Variants in PTPRD observed in about 807,000 individuals in gnomAD.
PTPRD encodes the protein receptor-type tyrosine-protein phosphatase delta.
Under a neutral mutation model 214.5 loss-of-function variants are expected in PTPRD, and 34 were observed. That is an observed-to-expected ratio of 0.16 (90% CI 0.12 to 0.21). The LOEUF is 0.21. PTPRD is among the 10% of genes least tolerant of loss of function. The probability of loss-of-function intolerance (pLI) is 1.00; values close to 1 mark genes in which losing one functional copy is unlikely to be tolerated. For synonymous variants in PTPRD, 1,128 were observed against 845.7 expected (o/e 1.33, Z -5.79); for missense variants, 2,545 against 2,398.7 (o/e 1.06, Z -1.27).
chr9:10,362,201 T>C (rs1022735817), intron 2 of PTPRD, among the ~76,000 whole-genome samples: 2 of 152,164 alleles, frequency 1.3e-5, no homozygotes, highest in Non-Finnish European at 2.9e-5. Context: ...AACGTACTAG[T>C]GAAATGTTTA....
chr9:10,363,999 T>TTTTTTTTTTG (rs2097455202), intron 2 of PTPRD, among the ~76,000 whole-genome samples: 1 of 7,910 alleles, frequency 1.3e-4, no homozygotes, highest in Admixed American at 1.2e-3. Context: ...GGGTTTTTTT[T>TTTTTTTTTTG]TTTTTTTTTT....
chr9:9,290,945 G>A (rs1193305079), intron 9 of PTPRD, among the ~76,000 whole-genome samples: 2 of 151,458 alleles, frequency 1.3e-5, no homozygotes, highest in South Asian at 2.1e-4. Flanking sequence ...ATTGGTCATA[G>A]AAATCACTGA....
At chr9:9,629,591 C>T (rs2095527679) in intron 7 of PTPRD, among the ~76,000 whole-genome samples, 1 of 152,168 alleles carries the variant, frequency 6.6e-6, no homozygotes, top group African/African-American at 2.4e-5. Context: ...CCCTGAGGGA[C>T]AGCCTATTCT....
chr9:8,940,066 G>GAA lies in PTPRD; in HGVS notation c.-104+78629_-104+78630dup, dbSNP rs35415741. ...CTGTATTTAACTACAAATAAGTTTGGAAAAAAAAAAAAGAAGACTTACATG... is the reference window on the plus strand; with the variant it reads ...CTGTATTTAACTACAAATAAGTTTGGAAAAAAAAAAAAAAGAAGACTTACATG... On this transcript the variant is annotated intron_variant, in intron 11 of 45. Coordinates refer to ENST00000381196, the MANE Select transcript of PTPRD (RefSeq NM_002839.4). Among the ~76,000 whole-genome samples, 326 of 147,474 alleles carry GAA rather than the reference G, an allele frequency of 2.2e-3. 1 individual carries two copies. The highest frequency in any genetic ancestry group is 0.01 in the Middle Eastern group (3 of 290).
chr9:10,414,687 C>G (rs1049519765), intron 2 of PTPRD, among the ~76,000 whole-genome samples: 2 of 151,858 alleles, frequency 1.3e-5, no homozygotes, highest in Non-Finnish European at 2.9e-5. Context: ...TGAAATTAAC[C>G]TAAACACCCA....
chr9:8,634,082 T>G (rs2096349268), intron 13 of PTPRD, among the ~76,000 whole-genome samples: 2 of 152,022 alleles, frequency 1.3e-5, no homozygotes, highest in Non-Finnish European at 2.9e-5. Flanking sequence ...TCTGCATTTT[T>G]AGAGCATTCT....
At chr9:8,566,100 A>ATGTGTGTATGTGTGTG (rs2088984110) in intron 14 of PTPRD, among the ~76,000 whole-genome samples, 2 of 137,814 alleles carry the variant, frequency 1.5e-5, no homozygotes, top group African/African-American at 5.5e-5. Context: ...AATGCAAAAT[A>ATGTGTGTATGTGTGTG]TGTGTGTGTG....
chr9:8,590,375 A>G (rs191918107), intron 14 of PTPRD, among the ~76,000 whole-genome samples: 83 of 152,268 alleles, frequency 5.5e-4, no homozygotes, highest in African/African-American at 1.8e-3. Flanking sequence ...AGAACGCTGC[A>G]TGGTTGTGTG....
chr9:8,474,837 A>G (rs1470180356), intron 30 of PTPRD, among the ~76,000 whole-genome samples: 1 of 152,006 alleles, frequency 6.6e-6, no homozygotes, highest in African/African-American at 2.4e-5. Context: ...TTCTTTTGGT[A>G]AAGTAGAAGG....
chr9:10,326,907 A>G (rs1275955911), intron 3 of PTPRD, among the ~76,000 whole-genome samples: 1 of 151,412 alleles, frequency 6.6e-6, no homozygotes, highest in African/African-American at 2.4e-5. Context: ...TGAACCTAAA[A>G]TTTATTTGGA....
intron 2 of PTPRD, among the ~76,000 whole-genome samples, chr9:10,531,328 A>G (rs1261855316): frequency 1.3e-5 from 2 of 152,196 alleles, no homozygotes; most frequent in East Asian, 1.9e-4. Context: ...CAGTTCTGCT[A>G]TAACAGAATA....
chr9:9,757,652 G>T (rs1018956755), intron 6 of PTPRD, among the ~76,000 whole-genome samples: 1 of 151,972 alleles, frequency 6.6e-6, no homozygotes, highest in East Asian at 1.9e-4. Flanking sequence ...TCATAGAAAG[G>T]ATGTGGGGTT....
At chr9:8,827,105 C>A (rs370239198) in intron 11 of PTPRD, among the ~76,000 whole-genome samples, 307 of 152,136 alleles carry the variant, frequency 2.0e-3, no homozygotes, top group Middle Eastern at 0.014. Flanking sequence ...ATTAATTCCT[C>A]TTCTCTAGGC....
intron 7 of PTPRD, 89 bp from the exon 8 acceptor site, chr9:9,574,870 G>A (rs1466167593): frequency 1.3e-5 from 2 of 152,064 alleles, no homozygotes; most frequent in Admixed American, 6.6e-5. Context: ...TTCAATATGA[G>A]AAATGTTATT....
rs567725875 is a variant in PTPRD, at chr9:8,575,979, A to G, written c.353-47200T>C. Among the ~76,000 whole-genome samples the G allele has an allele frequency of 4.6e-5, 7 of 152,312 alleles. No homozygotes were observed. In the East Asian group the frequency reaches 1.4e-3, roughly 30 times the overall value. Reference sequence around the variant, plus strand: ...TTTCAGCAGAGAAATAACTTAGGTCAGTTTACATTTACAAATGAGATAGTC... The same window carrying G: ...TTTCAGCAGAGAAATAACTTAGGTCGGTTTACATTTACAAATGAGATAGTC... On this transcript the variant is annotated intron_variant, in intron 14 of 45. Coordinates refer to ENST00000381196, the MANE Select transcript of PTPRD (RefSeq NM_002839.4).
rs557507761 is a variant in PTPRD, at chr9:9,355,562, TCAGGGA to T, written c.-203+41881_-203+41886del. ...TTTGAGATGGAGAAGATGAGAAAAG[TCAGGGA>T]CTTAGTTTTTGGACAAGTTTCATTT... is the stretch of plus-strand genomic sequence containing the variant. On this transcript the variant is annotated intron_variant, in intron 9 of 45. Coordinates refer to ENST00000381196, the MANE Select transcript of PTPRD (RefSeq NM_002839.4). Among the ~76,000 whole-genome samples the T allele has an allele frequency of 3.3e-5, 5 of 151,654 alleles. No homozygotes were observed. In the South Asian group the frequency reaches 1.0e-3, roughly 31 times the overall value.
intron 7 of PTPRD, among the ~76,000 whole-genome samples, chr9:9,715,121 C>A (rs2097795636): frequency 6.6e-6 from 1 of 152,142 alleles, no homozygotes; most frequent in Admixed American, 6.5e-5. Flanking sequence ...TGACTTTGGG[C>A]AAATTACTTT....
intron 2 of PTPRD, among the ~76,000 whole-genome samples, chr9:10,419,734 G>A (rs2098528644): frequency 6.6e-6 from 1 of 151,652 alleles, no homozygotes; most frequent in African/African-American, 2.4e-5. Flanking sequence ...ATTCTGCTAT[G>A]CCATTTTCTT....
At chr9:9,628,079 CTT>C (rs1395153193) in intron 7 of PTPRD, among the ~76,000 whole-genome samples, 6 of 152,128 alleles carry the variant, frequency 3.9e-5, no homozygotes, top group Non-Finnish European at 8.8e-5. Context: ...AGTTTTCCCA[CTT>C]ATATTGTTTC....
Sources: allele counts gnomAD v4.1 joint callset (sites outside exome capture counted in the v4.1 genomes callset), GRCh38; gene constraint gnomAD v4.1.1; transcripts MANE v1.5; gene names NCBI Gene and HGNC (gene_info 2026-07-23, HGNC 2026-07-21).